Variants in BAZ2B observed in about 807,000 individuals in gnomAD.
BAZ2B encodes the protein bromodomain adjacent to zinc finger domain protein 2B.
In BAZ2B, 91 loss-of-function variants were observed where a neutral mutation model predicts 246.0. That is an observed-to-expected ratio of 0.37 (90% CI 0.31 to 0.44). BAZ2B has a LOEUF of 0.44. BAZ2B is among the 20% of genes least tolerant of loss of function. The pLI, the probability that BAZ2B is intolerant of heterozygous loss-of-function variation, is 1.00. For synonymous variants in BAZ2B, 855 were observed against 860.0 expected (o/e 0.99, Z 0.10); for missense variants, 2,332 against 2,533.7 (o/e 0.92, Z 1.71).
chr2:159,519,206 TTTTC>T (rs2083775679), intron 2 of BAZ2B, among the ~76,000 whole-genome samples: 3 of 108,180 alleles, frequency 2.8e-5, no homozygotes, highest in African/African-American at 1.0e-4. Context: ...TCATATTCTA[TTTTC>T]TTTTTTTTTT....
chr2:159,501,200 T>C (rs1365712698), intron 2 of BAZ2B, among the ~76,000 whole-genome samples: 1 of 107,074 alleles, frequency 9.3e-6, no homozygotes, highest in Non-Finnish European at 1.8e-5. Context: ...ATAATATATA[T>C]ATTTTTATAT....
At chr2:159,570,927 C>T (rs1683845608) in intron 1 of BAZ2B, among the ~76,000 whole-genome samples, 1 of 152,162 alleles carries the variant, frequency 6.6e-6, no homozygotes, top group Non-Finnish European at 1.5e-5. Flanking sequence ...AATCTCAGCT[C>T]ACTGCAACCT....
At chr2:159,684,453 A>G in the BAZ2B span, among the ~76,000 whole-genome samples, 2 of 152,250 alleles carry the variant, frequency 1.3e-5, no homozygotes, top group African/African-American at 4.8e-5. Flanking sequence ...GTGGTTACCC[A>G]CTAAATAAAG....
intron 9 of BAZ2B, among the ~76,000 whole-genome samples, chr2:159,432,348 C>T (rs926509260): frequency 6.6e-6 from 1 of 151,386 alleles, no homozygotes; most frequent in South Asian, 2.1e-4. Flanking sequence ...GATGAACATT[C>T]ATAGAGATTT....
chr2:159,416,184 G>A (rs2067680498), intron 13 of BAZ2B, among the ~76,000 whole-genome samples: 1 of 152,130 alleles, frequency 6.6e-6, no homozygotes, highest in Non-Finnish European at 1.5e-5. Flanking sequence ...ATATACATAT[G>A]CTAAAAATAA....
rs1272889050 is a variant in BAZ2B, at chr2:159,443,853, A to T, written c.696+2929T>A. ...ATTCTGTTTAGGAATGTCAATGTAG[A>T]TTCCTCATTAGAACTAAGTACAGGA... On this transcript the variant is annotated intron_variant, in intron 6 of 36. Transcript: ENST00000392783. Among the ~76,000 whole-genome samples the T allele has an allele frequency of 4.6e-5, 7 of 152,152 alleles. No individual in the cohort carries two copies. The East Asian group carries it at 1.3e-3, about 29-fold the overall frequency.
intron 2 of BAZ2B, among the ~76,000 whole-genome samples, chr2:159,504,394 C>T (rs370382557): frequency 1.5e-4 from 23 of 152,166 alleles, no homozygotes; most frequent in African/African-American, 5.3e-4. Flanking sequence ...AGTGGATATT[C>T]ACAGGCAGAC....
chr2:159,351,543 C>G (rs755954499), intron 27 of BAZ2B, among the ~76,000 whole-genome samples: 6 of 151,890 alleles, frequency 4.0e-5, no homozygotes, highest in Non-Finnish European at 5.9e-5. Context: ...AAACTGTCCT[C>G]TAAAAAGTCT....
chr2:159,712,142 G>A, the BAZ2B span: 1 of 151,702 alleles, frequency 6.6e-6, no homozygotes, highest in African/African-American at 2.4e-5. Context: ...TTTCGAGCAC[G>A]GGGCCCTGCA....
At chr2:159,487,567 T>C (rs1454018400) in intron 2 of BAZ2B, among the ~76,000 whole-genome samples, 1 of 152,170 alleles carries the variant, frequency 6.6e-6, no homozygotes, top group Middle Eastern at 3.2e-3. Flanking sequence ...GTATCTTAAA[T>C]CTTATTTCCT....
downstream of BAZ2B, among the ~76,000 whole-genome samples, chr2:159,318,771 G>A (rs2062375495): frequency 6.6e-6 from 1 of 152,056 alleles, no homozygotes; most frequent in Non-Finnish European, 1.5e-5. Flanking sequence ...AGAAGACAAG[G>A]TTCGGAGAAG....
intron 1 of BAZ2B, among the ~76,000 whole-genome samples, chr2:159,598,589 C>T (rs1279047933): frequency 2.0e-5 from 3 of 151,792 alleles, no homozygotes; most frequent in Non-Finnish European, 2.9e-5. Flanking sequence ...GTGGCTCACA[C>T]CTGTAATCCC....
intron 1 of BAZ2B, among the ~76,000 whole-genome samples, chr2:159,604,967 C>T (rs10195287): frequency 0.48 from 70,288 of 147,534 alleles, 16,949 homozygotes; most frequent in African/African-American, 0.59. Context: ...TGTGTGCGCG[C>T]GCTAGGAGAG....
At chr2:159,645,014 C>T in the BAZ2B span, among the ~76,000 whole-genome samples, 4 of 152,172 alleles carry the variant, frequency 2.6e-5, no homozygotes, top group East Asian at 1.9e-4. Context: ...GTGGCTCACA[C>T]GTGTAATCCC....
chr2:159,367,765 G>A (rs2060375673), intron 27 of BAZ2B, among the ~76,000 whole-genome samples: 1 of 152,094 alleles, frequency 6.6e-6, no homozygotes, highest in South Asian at 2.1e-4. Context: ...GCAGACGCCT[G>A]TAGTCCCAGC....
intron 4 of BAZ2B, among the ~76,000 whole-genome samples, chr2:159,451,852 G>A (rs1577187760): frequency 6.6e-6 from 1 of 152,036 alleles, no homozygotes; most frequent in African/African-American, 2.4e-5. Context: ...AAAGACATTT[G>A]ATTTTAATAA....
intron 1 of BAZ2B, among the ~76,000 whole-genome samples, chr2:159,606,043 T>C (rs960266567): frequency 6.6e-6 from 1 of 152,166 alleles, no homozygotes; most frequent in Non-Finnish European, 1.5e-5. Flanking sequence ...CCCCAAGGCA[T>C]GATTACAGAT....
At chr2:159,354,777 T>C (rs1260050246) in intron 27 of BAZ2B, among the ~76,000 whole-genome samples, 1 of 152,232 alleles carries the variant, frequency 6.6e-6, no homozygotes, top group Admixed American at 6.5e-5. Context: ...CTTACTTCTT[T>C]GACATGTGTC....
At chr2:159,397,186 T>C in intron 19 of BAZ2B, 159 bp downstream of exon 19, 1 of 1,338,002 alleles carries the variant, frequency 7.5e-7, no homozygotes, top group Admixed American at 2.3e-5. Context: ...AAGACACCAA[T>C]ACCAAAGCAA....
Sources: allele counts gnomAD v4.1 joint callset (sites outside exome capture counted in the v4.1 genomes callset), GRCh38; gene constraint gnomAD v4.1.1; transcripts MANE v1.5; gene names NCBI Gene and HGNC (gene_info 2026-07-23, HGNC 2026-07-21).